The following PPFIBP2 variants were observed in gnomAD, a reference collection of about 807,000 sequenced individuals.
The protein encoded by PPFIBP2 is liprin-beta-2.
PPFIBP2 carries 118 observed loss-of-function variants against 118.3 expected under a neutral mutation model. The ratio of observed to expected loss-of-function variants is 1.00; its 90% CI spans 0.86 to 1.16. The LOEUF (loss-of-function observed/expected upper bound fraction) is 1.16, where lower values mean the gene tolerates loss of function less well. PPFIBP2 is among the 50% of genes most tolerant of loss of function. PPFIBP2 has a pLI of 0.00. For missense variants in PPFIBP2, 1,195 were observed against 1,073.1 expected (o/e 1.11, Z -1.59); for synonymous variants, 414 against 397.4 (o/e 1.04, Z -0.50).
chr11:7,544,502 TC>T (rs1279567459), intron 1 of PPFIBP2, among the ~76,000 whole-genome samples: 1 of 152,004 alleles, frequency 6.6e-6, no homozygotes, highest in East Asian at 1.9e-4. Context: ...AAATTCTACA[TC>T]CCGGTTCACG....
intron 1 of PPFIBP2, among the ~76,000 whole-genome samples, chr11:7,534,347 G>A (rs1253066738): frequency 1.3e-5 from 2 of 152,148 alleles, no homozygotes; most frequent in African/African-American, 2.4e-5. Context: ...TTAACCTCTT[G>A]CTTGTATTAT....
At chr11:7,665,230 C>T in the PPFIBP2 span, 2 of 694,544 alleles carry the variant, frequency 2.9e-6, no homozygotes, top group Non-Finnish European at 4.5e-6. Flanking sequence ...TTGTTAGGCC[C>T]ACACCCAAAA....
chr11:7,665,169 C>G, the PPFIBP2 span: 1 of 463,532 alleles, frequency 2.2e-6, no homozygotes, highest in Non-Finnish European at 3.8e-6. Flanking sequence ...CTCTTTCCAG[C>G]CTCCAAGCAA....
chr11:7,583,548 A>G (rs1245269369), intron 3 of PPFIBP2, among the ~76,000 whole-genome samples: 1 of 152,166 alleles, frequency 6.6e-6, no homozygotes, highest in African/African-American at 2.4e-5. Flanking sequence ...ACATCCTCTC[A>G]TTACAGGATA....
intron 3 of PPFIBP2, among the ~76,000 whole-genome samples, chr11:7,571,428 A>AC (rs1459575405): frequency 1.5e-5 from 2 of 133,452 alleles, no homozygotes; most frequent in Admixed American, 6.9e-5. Context: ...TGCAAAAAAA[A>AC]AAGTGGAGAG....
intron 5 of PPFIBP2, chr11:7,598,271 T>G: frequency 3.1e-6 from 1 of 324,026 alleles, no homozygotes; most frequent in Non-Finnish European, 6.1e-6. Flanking sequence ...CCTCAGATTT[T>G]GTATGCTTAA....
chr11:7,617,133 G>A (rs1848748939), intron 6 of PPFIBP2: 1 of 985,158 alleles, frequency 1.0e-6, no homozygotes, highest in South Asian at 4.7e-5. Context: ...TGTGATCAGT[G>A]AGCTGCAGGA....
At chr11:7,630,786 G>T (rs1396576412) in intron 10 of PPFIBP2, 139 bp from the exon 11 acceptor site, 1 of 680,658 alleles carries the variant, frequency 1.5e-6, no homozygotes. Flanking sequence ...AGAATCTTCA[G>T]AATCACACTC....
chr11:7,561,877 C>T (rs1854337276), intron 2 of PPFIBP2, among the ~76,000 whole-genome samples: 1 of 152,218 alleles, frequency 6.6e-6, no homozygotes, highest in African/African-American at 2.4e-5. Context: ...GGGCTACAGT[C>T]ATCTGAAGGC....
chr11:7,658,890 A>C (rs1194538152), downstream of PPFIBP2, among the ~76,000 whole-genome samples: 112 of 99,756 alleles, frequency 1.1e-3, no homozygotes, highest in African/African-American at 4.2e-3. Flanking sequence ...CATTTCTCTG[A>C]TGGCCAGTGA....
intron 3 of PPFIBP2, among the ~76,000 whole-genome samples, chr11:7,578,481 A>G (rs1210269990): frequency 6.6e-6 from 1 of 152,308 alleles, no homozygotes; most frequent in South Asian, 2.1e-4. Flanking sequence ...CGACTCCCGG[A>G]CACTGAGCTG....
intron 1 of PPFIBP2, among the ~76,000 whole-genome samples, chr11:7,532,643 C>T (rs1376514497): frequency 6.6e-6 from 1 of 152,186 alleles, no homozygotes; most frequent in Non-Finnish European, 1.5e-5. Context: ...CTCGGAACTC[C>T]AGTGAACACA....
chr11:7,646,433 T>A (rs1007432566), intron 17 of PPFIBP2, among the ~76,000 whole-genome samples: 1 of 152,242 alleles, frequency 6.6e-6, no homozygotes. Context: ...TTAACTATTG[T>A]CATAGAAGAT....
intron 19 of PPFIBP2, 26 bp from the exon 20 acceptor site, chr11:7,649,121 C>T (rs896546696): frequency 4.4e-6 from 7 of 1,595,646 alleles, no homozygotes; most frequent in African/African-American, 1.3e-5. Context: ...TGAATCCTGA[C>T]ACATCTGGGG....
Position 7,653,142 on chromosome 11 carries a change from A to G in PPFIBP2, c.2555A>G (p.Tyr852Cys), listed in dbSNP as rs1435465969. The G allele has an allele frequency of 6.2e-7, 1 of 1,614,242 alleles. No homozygotes were observed. The highest frequency in any genetic ancestry group is 1.3e-5 in the African/African-American group (1 of 75,074). The change falls in exon 24 of 24, where the codon TAC becomes TGC. Residue 852 changes from tyrosine to cysteine, a missense_variant. Physicochemically the swap from Tyr to Cys is radical, Grantham distance 194. Coordinates refer to ENST00000299492, the MANE Select transcript of PPFIBP2 (RefSeq NM_003621.5). Reference protein sequence around the residue: ...SDGVSDSHRVYSGYRGLSPLD... With the variant: ...SDGVSDSHRVCSGYRGLSPLD... Reference sequence around the variant, plus strand: ...GGTGTCAGTGATAGTCACAGGGTCTACAGTGGCTACCGGGGCCTCAGCCCC... The same window carrying G: ...GGTGTCAGTGATAGTCACAGGGTCTGCAGTGGCTACCGGGGCCTCAGCCCC...
At chr11:7,602,980 C>G (rs990256596) in intron 5 of PPFIBP2, among the ~76,000 whole-genome samples, 12 of 152,304 alleles carry the variant, frequency 7.9e-5, no homozygotes, top group Admixed American at 7.8e-4. Context: ...AAAGTTATTC[C>G]ACTGTTATTA....
chr11:7,621,363 A>G (rs1442615777), intron 7 of PPFIBP2, among the ~76,000 whole-genome samples: 2 of 152,246 alleles, frequency 1.3e-5, no homozygotes, highest in African/African-American at 2.4e-5. Context: ...GTCCTAAAGC[A>G]GATCTTGGAT....
At chr11:7,534,311 A>T (rs1851008407) in intron 1 of PPFIBP2, among the ~76,000 whole-genome samples, 1 of 152,200 alleles carries the variant, frequency 6.6e-6, no homozygotes, top group African/African-American at 2.4e-5. Flanking sequence ...AAATAGTAAA[A>T]TGCATCCTCT....
chr11:7,527,874 C>T (rs968954609), intron 1 of PPFIBP2, among the ~76,000 whole-genome samples: 5 of 152,172 alleles, frequency 3.3e-5, no homozygotes, highest in African/African-American at 1.2e-4. Context: ...TTAAATAGGG[C>T]ACCAGGGATT....
Sources: allele counts gnomAD v4.1 joint callset (sites outside exome capture counted in the v4.1 genomes callset), GRCh38; gene constraint gnomAD v4.1.1; transcripts MANE v1.5; gene names NCBI Gene and HGNC (gene_info 2026-07-23, HGNC 2026-07-21).